The following HEXB variants were observed in gnomAD, a reference collection of about 807,000 sequenced individuals.
HEXB encodes beta-hexosaminidase subunit beta.
Under a neutral mutation model 71.2 loss-of-function variants are expected in HEXB, and 51 were observed. That is an observed-to-expected ratio of 0.72 (90% CI 0.57 to 0.90). The LOEUF (loss-of-function observed/expected upper bound fraction) is 0.90. HEXB is among the 40% of genes least tolerant of loss of function. HEXB has a pLI of 0.00. For synonymous variants in HEXB, 266 were observed against 249.3 expected (o/e 1.07, Z -0.63); for missense variants, 617 against 677.0 (o/e 0.91, Z 0.98).
At chr5:74,653,081 C>A (rs556346312) in intron 1 of HEXB, among the ~76,000 whole-genome samples, 16 of 152,228 alleles carry the variant, frequency 1.1e-4, no homozygotes, top group Non-Finnish European at 1.5e-4. Context: ...TATGTGAATG[C>A]TCTAGCTTGA....
At position 74,705,499 on chromosome 5, in the gene HEXB, T is replaced by G. The variant is rs550708777; in HGVS notation, c.771+179T>G. Reference sequence around the variant, plus strand: ...ACATCCATAAAACTTTTTTTGTTATTGTTATAACGGTTACTGTAATTGTTA... The same window carrying G: ...ACATCCATAAAACTTTTTTTGTTATGGTTATAACGGTTACTGTAATTGTTA... On this transcript the variant is annotated intron_variant, in intron 6 of 13. Coordinates refer to ENST00000261416, the MANE Select transcript of HEXB (RefSeq NM_000521.4). 1.2e-5 allele frequency: 7 copies of G among 599,746 alleles called. No individual in the cohort carries two copies. In the South Asian group the frequency reaches 1.4e-4, roughly 12 times the overall value. 37.2% of individuals were successfully genotyped at this position (599,746 alleles called of 1,614,324 possible). A position where few individuals can be genotyped will look rare whatever the true frequency, so the allele number is the denominator to read the frequency against.
chr5:74,707,991 G>C (rs1030493060), intron 6 of HEXB, among the ~76,000 whole-genome samples: 14 of 152,162 alleles, frequency 9.2e-5, no homozygotes, highest in Admixed American at 4.6e-4. Context: ...ATAATTGTCA[G>C]ATTCACCAAA....
Position 74,718,807 on chromosome 5 carries a change from G to C in HEXB, c.1253G>C (p.Gly418Ala), listed in dbSNP as rs1346504442. ...VFDDKAKLAP[G>A]TIVEVWKDSA... ...TTGTAACGTTAATAGCTTGCGCCGG[G>C]CACAATAGTTGAAGTATGGAAAGAC... The change falls in exon 11 of 14, where the codon GGC becomes GCC. Residue 418 changes from glycine to alanine, a missense_variant. Transcript: ENST00000261416. The C allele has an allele frequency of 1.9e-6, 3 of 1,614,040 alleles. No individual in the cohort carries two copies. Among genetic ancestry groups the C allele is most frequent in the African/African-American group, 2.7e-5 (2 of 75,014 alleles).
At chr5:74,657,182 C>T (rs1247866431) in intron 1 of HEXB, among the ~76,000 whole-genome samples, 3 of 152,086 alleles carry the variant, frequency 2.0e-5, no homozygotes, top group Non-Finnish European at 4.4e-5. Context: ...GATAAATGTA[C>T]ACTTTATACC....
chr5:74,719,159 G>T (rs1749749728), intron 11 of HEXB, among the ~76,000 whole-genome samples, 188 bp downstream of exon 11: 1 of 151,936 alleles, frequency 6.6e-6, no homozygotes, highest in Admixed American at 6.6e-5. Context: ...TTTAAGTTCA[G>T]TATCATTTTA....
chr5:74,696,248 A>C (rs979148482), intron 3 of HEXB, among the ~76,000 whole-genome samples: 4 of 152,208 alleles, frequency 2.6e-5, no homozygotes, highest in African/African-American at 9.6e-5. Context: ...AATGCTGTAT[A>C]TTGTAAATTG....
chr5:74,690,603 A>G (rs12518926), intron 2 of HEXB, among the ~76,000 whole-genome samples: 34,028 of 144,308 alleles, frequency 0.24, 4,422 homozygotes, highest in African/African-American at 0.36. Context: ...AGTGAGCTGC[A>G]ATCATGCCGC....
chr5:74,693,540 A>G, intron 2 of HEXB, 99 bp from the exon 3 acceptor site: 1 of 886,566 alleles, frequency 1.1e-6, no homozygotes, highest in South Asian at 1.3e-5. Flanking sequence ...TTGGGAGAAA[A>G]TAATAGTCCA....
chr5:74,688,356 G>C (rs1043041264), intron 1 of HEXB, among the ~76,000 whole-genome samples: 1 of 147,820 alleles, frequency 6.8e-6, no homozygotes, highest in Non-Finnish European at 1.5e-5. Context: ...TTTTGAGATG[G>C]AGTCTCGTTC....
At chr5:74,690,649 C>CAAAAAA (rs60786265) in intron 2 of HEXB, among the ~76,000 whole-genome samples, 5 of 59,748 alleles carry the variant, frequency 8.4e-5, no homozygotes, top group East Asian at 6.3e-4. Flanking sequence ...GAGACAGTCT[C>CAAAAAA]AAAAAAAAAA....
At chr5:74,690,772 C>T (rs1479526329) in intron 2 of HEXB, among the ~76,000 whole-genome samples, 2 of 149,130 alleles carry the variant, frequency 1.3e-5, no homozygotes, top group African/African-American at 4.9e-5. Context: ...AAGTACATGT[C>T]TTCATCCTGC....
chr5:74,645,126 T>C (rs1747978606), intron 1 of HEXB, among the ~76,000 whole-genome samples: 1 of 151,946 alleles, frequency 6.6e-6, no homozygotes, highest in South Asian at 2.1e-4. Flanking sequence ...TATTTTAACA[T>C]TTCAGTTGCT....
chr5:74,649,845 G>A (rs532853017), intron 1 of HEXB, among the ~76,000 whole-genome samples: 2 of 152,316 alleles, frequency 1.3e-5, no homozygotes, highest in Admixed American at 6.5e-5. Flanking sequence ...GCAAAGGAAT[G>A]TCCTAATCAA....
At chr5:74,683,812 C>A (rs1259133177), upstream of HEXB, among the ~76,000 whole-genome samples, 3 of 132,342 alleles carry the variant, frequency 2.3e-5, no homozygotes, top group African/African-American at 8.6e-5. Context: ...CATTACATTT[C>A]TTTTCTTTCT....
chr5:74,645,935 T>C (rs749747668), intron 1 of HEXB, among the ~76,000 whole-genome samples: 7 of 139,738 alleles, frequency 5.0e-5, no homozygotes, highest in Non-Finnish European at 9.2e-5. Context: ...TAAGTTCCAT[T>C]CTTCCTATGT....
intron 1 of HEXB, among the ~76,000 whole-genome samples, chr5:74,662,061 G>A (rs943326371): frequency 6.6e-6 from 1 of 152,108 alleles, no homozygotes; most frequent in African/African-American, 2.4e-5. Context: ...TTAAAAAATA[G>A]GCTTACTTTT....
intron 8 of HEXB, among the ~76,000 whole-genome samples, chr5:74,716,309 A>AT (rs1749672092): frequency 6.6e-6 from 1 of 152,198 alleles, no homozygotes; most frequent in Non-Finnish European, 1.5e-5. Flanking sequence ...AATAGGAAAG[A>AT]TTTTTCAAAT....
intron 5 of HEXB, among the ~76,000 whole-genome samples, chr5:74,704,320 G>A (rs1422185345): frequency 6.6e-6 from 1 of 152,124 alleles, no homozygotes; most frequent in Admixed American, 6.6e-5. Flanking sequence ...TTGATGAAGA[G>A]GGAGTCTTTA....
In HEXB at chr5:74,715,557, G is replaced by A; in HGVS notation, c.949G>A (p.Asp317Asn). 6.2e-7 allele frequency: 1 copy of A among 1,612,400 alleles called. No individual in the cohort carries two copies. Among genetic ancestry groups the A allele is most frequent in the Admixed American group, 1.7e-5 (1 of 60,004 alleles). ...TPCYSRQNKLDSFGPINPTLN... is the reference protein window; with the variant it reads ...TPCYSRQNKLNSFGPINPTLN... ...ATGTTACAGTAGACAAAACAAGTTG[G>A]ACTCTTTTGGACCTATAAACCCTAC... Residue 317 changes from aspartate (D) to asparagine (N), a missense_variant, in exon 8 of 14, where the codon GAC (aspartate) becomes AAC (asparagine). By Grantham distance (23) the Asp-to-Asn change is conservative (BLOSUM62 1). Transcript: ENST00000261416.
Sources: allele counts gnomAD v4.1 joint callset (sites outside exome capture counted in the v4.1 genomes callset), GRCh38; gene constraint gnomAD v4.1.1; transcripts MANE v1.5; gene names NCBI Gene and HGNC (gene_info 2026-07-23, HGNC 2026-07-21).